INPP5J: variants seen among roughly 807,000 people sequenced by gnomAD.
INPP5J encodes the protein inositol polyphosphate-5-phosphatase J.
In INPP5J, 75 loss-of-function variants were observed where a neutral mutation model predicts 86.6. The observed-to-expected ratio is 0.87, with a 90% CI of 0.72 to 1.05. The LOEUF (loss-of-function observed/expected upper bound fraction) is 1.05. INPP5J is among the 50% of genes least tolerant of loss of function. The pLI is 0.00. For missense variants in INPP5J, 1,229 were observed against 1,341.2 expected, an observed-to-expected ratio of 0.92 and a Z score of 1.31; for synonymous variants, 540 against 550.0, an observed-to-expected ratio of 0.98 and a Z score of 0.25.
chr22:31,132,964 C>G (rs1363576211), intron 9 of INPP5J, 134 bp from the exon 10 acceptor site: 10 of 1,187,208 alleles, frequency 8.4e-6, no homozygotes, highest in Non-Finnish European at 1.1e-5. Flanking sequence ...TAGACCTGTT[C>G]TGCCTCAGTT....
chr22:31,129,680 A>T (rs1372936385), intron 9 of INPP5J, among the ~76,000 whole-genome samples: 2 of 148,616 alleles, frequency 1.3e-5, no homozygotes, highest in Non-Finnish European at 3.0e-5. Flanking sequence ...AGTAACTGGG[A>T]TTACAGCTGC....
At chr22:31,126,106 C>T (rs1921392552) in intron 2 of INPP5J, 96 bp downstream of exon 2, 2 of 1,215,090 alleles carry the variant, frequency 1.6e-6, no homozygotes, top group East Asian at 2.6e-5. Context: ...CAGCTTCTCT[C>T]TCTGAGGAAG....
intron 6 of INPP5J, 47 bp from the exon 7 acceptor site, chr22:31,127,904 C>T: frequency 9.1e-7 from 1 of 1,104,560 alleles, no homozygotes. Flanking sequence ...GACCTGTTGA[C>T]ACCCCCCACT....
At chr22:31,123,673 A>G (rs1232218005) in intron 1 of INPP5J, among the ~76,000 whole-genome samples, 2 of 152,176 alleles carry the variant, frequency 1.3e-5, no homozygotes, top group African/African-American at 2.4e-5. Context: ...CTCCAGAGGC[A>G]GGGCCTCCCT....
rs2029906380 is a variant in INPP5J at position 31,127,972 on chromosome 22, C to T, written c.1809C>T (p.Asp603=). 6.2e-7 allele frequency: 1 copy of T among 1,601,252 alleles called. No homozygotes were observed. The highest frequency in any genetic ancestry group is 8.5e-7 in the Non-Finnish European group (1 of 1,172,804). The change falls in exon 7 of 13, where the codon GAC becomes GAT. Residue 603 remains aspartate (D), a synonymous_variant. Transcript: ENST00000331075. ...LDHDLVFWFG[D]LNFRIESYDL... ...ACAGCCTCGTGTTCTGGTTCGGGGA[C>T]CTGAACTTCCGCATTGAGAGCTATG...
At chr22:31,127,737 C>A in intron 6 of INPP5J, 1 of 668,274 alleles carries the variant, frequency 1.5e-6, no homozygotes, top group Non-Finnish European at 2.6e-6. Context: ...GGGGCCCCGC[C>A]TTGCTGAAGG....
chr22:31,126,216 G>C (rs945411100), intron 2 of INPP5J, 160 bp from the exon 3 acceptor site: 5 of 776,424 alleles, frequency 6.4e-6, no homozygotes, highest in South Asian at 1.8e-5. Flanking sequence ...TCCCCAGGGA[G>C]AGTGTGGCAG....
chr22:31,127,332 G>A (rs770330935), intron 5 of INPP5J, 25 bp from the exon 6 acceptor site: 5 of 1,584,988 alleles, frequency 3.2e-6, no homozygotes, highest in African/African-American at 1.3e-5. Flanking sequence ...CCCCGCCCAT[G>A]AGCCATCCGA....
intron 4 of INPP5J, 85 bp downstream of exon 4, chr22:31,126,806 C>T: frequency 7.0e-7 from 1 of 1,437,692 alleles, no homozygotes; most frequent in Non-Finnish European, 9.8e-7. Context: ...GTGGGGCCCG[C>T]TGGGCCTCTG....
At chr22:31,129,542 CTTTTTT>C (rs56039276) in intron 9 of INPP5J, among the ~76,000 whole-genome samples, 1 of 96,322 alleles carries the variant, frequency 1.0e-5, no homozygotes, top group Non-Finnish European at 2.0e-5. Flanking sequence ...GCCCGGCGCC[CTTTTTT>C]TTTTTTTTTT....
chr22:31,129,073 C>T (rs1232046075), intron 9 of INPP5J, among the ~76,000 whole-genome samples: 1 of 150,814 alleles, frequency 6.6e-6, no homozygotes, highest in Non-Finnish European at 1.5e-5. Context: ...GCTGGGATTA[C>T]ATCACCCGCC....
intron 2 of INPP5J, 67 bp from the exon 3 acceptor site, chr22:31,126,309 T>G (rs1921412174): frequency 3.8e-6 from 5 of 1,330,250 alleles, no homozygotes; most frequent in Middle Eastern, 1.9e-4. Context: ...CAGGGAGTCC[T>G]GTGAAAGGAA....
At chr22:31,133,889 C>A (rs1296785167) in intron 12 of INPP5J, 24 bp from the exon 13 acceptor site, 4 of 1,604,200 alleles carry the variant, frequency 2.5e-6, no homozygotes. Flanking sequence ...AGCAGGGCGC[C>A]CCAGTGACCA....
At position 31,127,436 on chromosome 22, in the gene INPP5J, A is replaced by G. The variant is rs760607502; in HGVS notation, c.1691A>G (p.His564Arg). 3.1e-6 allele frequency: 5 copies of G among 1,613,908 alleles called. No individual in the cohort carries two copies. The highest frequency in any genetic ancestry group is 4.2e-6 in the Non-Finnish European group (5 of 1,179,868). ...LCFLNCHLPA[H>R]MDKAEQRKDN... Reference sequence around the variant, plus strand: ...TTCCTGAACTGCCACTTGCCTGCGCATATGGACAAGGCGGAGCAGCGCAAA... The same window carrying G: ...TTCCTGAACTGCCACTTGCCTGCGCGTATGGACAAGGCGGAGCAGCGCAAA... Residue 564 changes from histidine to arginine, a missense_variant, in exon 6 of 13, where the codon CAT becomes CGT. By Grantham distance (29) the His-to-Arg change is conservative. Coordinates refer to ENST00000331075, the MANE Select transcript of INPP5J (RefSeq NM_001284285.2).
rs1922340699 is a variant in INPP5J at position 31,133,949 on chromosome 22, A to C, written c.2551A>C (p.Thr851Pro). ...LPSSELASSS[T>P]DSSGTSSEGE... ...TTCCTCGGAGTTGGCCAGCAGCAGCACAGACAGCTCAGGCACCAGCTCAGA... is the reference window on the plus strand; with the variant it reads ...TTCCTCGGAGTTGGCCAGCAGCAGCCCAGACAGCTCAGGCACCAGCTCAGA... The change falls in exon 13 of 13, where the codon ACA becomes CCA. Residue 851 changes from threonine (T) to proline (P), a missense_variant. Transcript: ENST00000331075. 1 of 1,613,262 alleles carries C rather than the reference A, an allele frequency of 6.2e-7. No homozygotes were observed.
At chr22:31,127,083 C>A in intron 5 of INPP5J, 46 bp downstream of exon 5, 1 of 1,318,400 alleles carries the variant, frequency 7.6e-7, no homozygotes, top group Non-Finnish European at 1.1e-6. Context: ...ATGAAGGGGG[C>A]TTTAGATTAG....
Position 31,125,233 on chromosome 22 carries a change from AC to A in INPP5J, c.496del (p.Gln166ArgfsTer20). 1 of 1,550,408 alleles carries A rather than the reference AC, an allele frequency of 6.4e-7. No individual in the cohort carries two copies. The highest frequency in any genetic ancestry group is 1.2e-5 in the South Asian group (1 of 84,062). On this transcript the variant is annotated frameshift_variant, in exon 2 of 13. Transcript: ENST00000331075. LOFTEE classifies it high-confidence loss of function. ...LGPNLAPTSR[D>X]QKQEPPASVG... ...CCCAATCTGGCCCCAACCTCCAGAG[AC>A]CAGAAGCAGGAGCCACCTGCCTCCG...
chr22:31,134,355 C>T lies in INPP5J; in HGVS notation c.2957C>T (p.Pro986Leu). 1 of 1,531,934 alleles carries T rather than the reference C, an allele frequency of 6.5e-7. No homozygotes were observed. The highest frequency in any genetic ancestry group is 1.2e-5 in the South Asian group (1 of 81,436). The allele number at this position is 1,531,934 out of a possible 1,614,324, so 94.9% of individuals were successfully genotyped here. The change falls in exon 13 of 13, where the codon CCC becomes CTC. Residue 986 changes from proline (P) to leucine (L), a missense_variant. By Grantham distance (98) the Pro-to-Leu change is moderately conservative. Transcript: ENST00000331075. ...SWGPDREALAPNSLSPSPQGH... is the reference protein window; with the variant it reads ...SWGPDREALALNSLSPSPQGH... ...GGACCTGATCGGGAGGCCCTGGCGC[C>T]CAACAGCCTGTCTCCTAGTCCCCAG... is the stretch of plus-strand genomic sequence containing the variant.
rs760092310 is a variant in INPP5J at position 31,127,015 on chromosome 22, G to T, written c.1589G>T (p.Arg530Leu). Residue 530 changes from arginine to leucine, a missense_variant, in exon 5 of 13, where the codon CGC (arginine) becomes CTC (leucine). By Grantham distance (102) the Arg-to-Leu change is moderately radical. Coordinates refer to ENST00000331075, the MANE Select transcript of INPP5J (RefSeq NM_001284285.2). ...CGAGACGTGCAGACCGACTGCACGC[G>T]CACTGGCCTGGGCGGCTACTGGGTG... is the stretch of plus-strand genomic sequence containing the variant. Reference protein sequence around the residue: ...FLRDVQTDCTRTGLGGYWGNK... With the variant: ...FLRDVQTDCTLTGLGGYWGNK... The T allele has an allele frequency of 2.5e-6, 4 of 1,603,294 alleles. 1 individual carries two copies. In the Admixed American group the frequency reaches 5.1e-5, roughly 21 times the overall value.
Sources: allele counts gnomAD v4.1 joint callset (sites outside exome capture counted in the v4.1 genomes callset), GRCh38; gene constraint gnomAD v4.1.1; transcripts MANE v1.5; gene names NCBI Gene and HGNC (gene_info 2026-07-23, HGNC 2026-07-21).